Variants in INSIG2 observed in about 807,000 individuals in gnomAD.
INSIG2 encodes the protein insulin induced gene 2.
In INSIG2, 10 loss-of-function variants were observed where a neutral mutation model predicts 27.2. The ratio of observed to expected loss-of-function variants is 0.37; its 90% CI spans 0.23 to 0.62. The LOEUF (loss-of-function observed/expected upper bound fraction) is 0.62. Among genes scored for constraint, INSIG2 ranks in the 20% least tolerant of loss-of-function variants. The pLI, the probability that INSIG2 is intolerant of heterozygous loss-of-function variation, is 0.65. For missense variants in INSIG2, 178 were observed against 270.2 expected, an observed-to-expected ratio of 0.66 and a Z score of 2.39; for synonymous variants, 97 against 95.8, an observed-to-expected ratio of 1.01 and a Z score of -0.07.
chr2:118,106,772 C>T lies in INSIG2; in HGVS notation c.405C>T (p.Leu135=). The T allele has an allele frequency of 6.2e-7, 1 of 1,614,058 alleles. No individual in the cohort carries two copies. The highest frequency in any genetic ancestry group is 8.5e-7 in the Non-Finnish European group (1 of 1,179,942). ...VDFDNNIQLS[L]TLAALSIGLW... ...TCGATAACAACATACAGTTGTCTCT[C>T]ACACTGGCTGCACTATCCATTGGAC... Residue 135 remains leucine, a synonymous_variant, in exon 4 of 6, where the codon CTC becomes CTT. Transcript: ENST00000245787.
intron 2 of INSIG2, 34 bp from the exon 3 acceptor site, chr2:118,103,163 G>A: frequency 6.2e-7 from 1 of 1,601,338 alleles, no homozygotes; most frequent in Non-Finnish European, 8.5e-7. Flanking sequence ...TACAACATTG[G>A]AGGTAACTTA....
intron 1 of INSIG2, among the ~76,000 whole-genome samples, chr2:118,093,857 T>G (rs1333959696): frequency 2.2e-5 from 2 of 91,918 alleles, no homozygotes; most frequent in African/African-American, 4.2e-5. Flanking sequence ...CAGATGATGA[T>G]GATGATGAGG....
rs183949632 is a variant in INSIG2 at position 118,102,066 on chromosome 2, G to A, written c.245-1131G>A. ...ATACAGCTGGCTAATACTGGGTAGG[G>A]GGAGGGCCTCTTGTCCCTCAGGCAC... On this transcript the variant is annotated intron_variant, in intron 2 of 5. Coordinates refer to ENST00000245787, the MANE Select transcript of INSIG2 (RefSeq NM_016133.4). Among the ~76,000 whole-genome samples the A allele has an allele frequency of 7.2e-5, 11 of 152,260 alleles. No homozygotes were observed. The East Asian group carries it at 2.1e-3, about 29-fold the overall frequency.
In INSIG2 at chr2:118,110,893, T is replaced by C. The variant is rs1382968395; in HGVS notation, c.*2571T>C. On this transcript the variant is annotated 3_prime_UTR_variant, in exon 6 of 6. Transcript: ENST00000245787. ...TTTGCACTGAGCTGTTTTACCTTCT[T>C]TAAGGCCATTGGGACCTCTCAATGA... is the stretch of plus-strand genomic sequence containing the variant. 6.6e-6 allele frequency: 1 copy of C among 152,228 alleles called. No individual in the cohort carries two copies. The highest frequency in any genetic ancestry group is 2.4e-5 in the African/African-American group (1 of 41,462). 9.4% of individuals were successfully genotyped at this position (152,228 alleles called of 1,614,324 possible). A position where few individuals can be genotyped will look rare whatever the true frequency, so the allele number is the denominator to read the frequency against.
intron 1 of INSIG2, among the ~76,000 whole-genome samples, chr2:118,091,069 T>A (rs903091676): frequency 6.6e-6 from 1 of 152,230 alleles, no homozygotes; most frequent in Non-Finnish European, 1.5e-5. Context: ...TTTTGGAGCA[T>A]CAAGTTTATC....
In INSIG2 at chr2:118,093,950, G is replaced by T. The variant is rs868808901; in HGVS notation, c.-138-2469G>T. Among the ~76,000 whole-genome samples the T allele has an allele frequency of 7.9e-4, 38 of 48,216 alleles. 2 individuals are homozygous for T. The highest frequency in any genetic ancestry group is 1.8e-3 in the African/African-American group (27 of 14,660). 31.6% of individuals were successfully genotyped at this position (48,216 alleles called of 152,430 possible). A position where few individuals can be genotyped will look rare whatever the true frequency, so the allele number is the denominator to read the frequency against. On this transcript the variant is annotated intron_variant, in intron 1 of 5. Coordinates refer to ENST00000245787, the MANE Select transcript of INSIG2 (RefSeq NM_016133.4). ...ATGATGATGATGATGATGAGGAGGA[G>T]GAGGAGGAGGAGGAGGAGGAGGAGA...
intron 2 of INSIG2, among the ~76,000 whole-genome samples, chr2:118,098,388 G>A (rs1306667562): frequency 6.6e-6 from 1 of 152,206 alleles, no homozygotes; most frequent in Non-Finnish European, 1.5e-5. Flanking sequence ...CATTGTGCCT[G>A]TTATGGGGAG....
At chr2:118,098,739 G>T (rs1678470325) in intron 2 of INSIG2, among the ~76,000 whole-genome samples, 1 of 152,158 alleles carries the variant, frequency 6.6e-6, no homozygotes, top group Admixed American at 6.5e-5. Flanking sequence ...ATTTTAGGAA[G>T]GAAAATTTCA....
intron 1 of INSIG2, among the ~76,000 whole-genome samples, chr2:118,093,663 T>G (rs4849679): frequency 0.22 from 5,271 of 24,202 alleles, 802 homozygotes; most frequent in Middle Eastern, 0.25. Flanking sequence ...ATGATGATGA[T>G]GAGGAGGAGG....
At chr2:118,095,832 T>G (rs1678392955) in intron 1 of INSIG2, among the ~76,000 whole-genome samples, 1 of 152,130 alleles carries the variant, frequency 6.6e-6, no homozygotes, top group Non-Finnish European at 1.5e-5. Flanking sequence ...CTGTGTTTGG[T>G]GTATATGTAG....
chr2:118,098,954 C>T (rs1678477602), intron 2 of INSIG2, among the ~76,000 whole-genome samples: 1 of 152,192 alleles, frequency 6.6e-6, no homozygotes, highest in South Asian at 2.1e-4. Flanking sequence ...GCCAATTCTG[C>T]TACCAATTTT....
chr2:118,103,221 G>C lies in INSIG2; in HGVS notation c.269G>C (p.Cys90Ser). ...GCTGTGATTGGGTTATTATACCCCT[G>C]CATTGACAGACATCTAGGAGAACCA... is the stretch of plus-strand genomic sequence containing the variant. ...ASAVIGLLYP[C>S]IDRHLGEPHK... The change falls in exon 3 of 6, where the codon TGC (cysteine) becomes TCC (serine). Residue 90 changes from cysteine to serine, a missense_variant. Coordinates refer to ENST00000245787, the MANE Select transcript of INSIG2 (RefSeq NM_016133.4). The C allele has an allele frequency of 1.2e-6, 2 of 1,613,430 alleles. No individual in the cohort carries two copies. The highest frequency in any genetic ancestry group is 1.7e-6 in the Non-Finnish European group (2 of 1,179,730).
intron 1 of INSIG2, among the ~76,000 whole-genome samples, chr2:118,092,207 C>A (rs540354868): frequency 3.3e-5 from 5 of 152,252 alleles, no homozygotes; most frequent in African/African-American, 9.6e-5. Flanking sequence ...CAAAGTATGC[C>A]CATCTTCTAG....
Position 118,108,532 on chromosome 2 carries a change from T to A in INSIG2, c.*210T>A. The A allele has an allele frequency of 2.3e-6, 1 of 425,584 alleles. No individual in the cohort carries two copies. The highest frequency in any genetic ancestry group is 4.2e-6 in the Non-Finnish European group (1 of 235,754). The allele number at this position is 425,584 out of a possible 1,614,324, so 26.4% of individuals were successfully genotyped here. ...CATCTGTAAATCAGTTGTAAACCTT[T>A]ACATATTTGACTTAAATAACTGTAA... On this transcript the variant is annotated 3_prime_UTR_variant, in exon 6 of 6. Transcript: ENST00000245787.
intron 1 of INSIG2, among the ~76,000 whole-genome samples, chr2:118,091,881 C>G (rs1013586500): frequency 6.6e-6 from 1 of 152,096 alleles, no homozygotes; most frequent in African/African-American, 2.4e-5. Context: ...CAGTGGCTCT[C>G]ATTGTGGGGA....
In INSIG2 at chr2:118,107,096, A is replaced by G; in HGVS notation, c.543A>G (p.Thr181=). 2 of 1,604,858 alleles carry G rather than the reference A, an allele frequency of 1.2e-6. No homozygotes were observed. Among genetic ancestry groups the G allele is most frequent in the African/African-American group, 1.3e-5 (1 of 74,808 alleles). The change falls in exon 5 of 6, where the codon ACA becomes ACG. Residue 181 remains threonine (T), a synonymous_variant. Coordinates refer to ENST00000245787, the MANE Select transcript of INSIG2 (RefSeq NM_016133.4). ...LLVYNGVYQY[T]SPDFLYVRSW... ...GACATGTCTGTTATTCTAGATATAC[A>G]TCTCCAGATTTCCTCTATGTTCGTT... is the stretch of plus-strand genomic sequence containing the variant.
chr2:118,102,574 A>G (rs1678573100), intron 2 of INSIG2: 1 of 152,412 alleles, frequency 6.6e-6, no homozygotes, highest in African/African-American at 2.4e-5. Context: ...CTTTGACAAT[A>G]TGACCTACAG....
intron 2 of INSIG2, among the ~76,000 whole-genome samples, chr2:118,101,790 A>G (rs1471190060): frequency 1.3e-5 from 2 of 152,228 alleles, no homozygotes; most frequent in Non-Finnish European, 2.9e-5. Flanking sequence ...ACTAATAGTT[A>G]TTGGAGCTCT....
chr2:118,106,358 G>A (rs13409182), intron 3 of INSIG2, among the ~76,000 whole-genome samples: 6 of 152,150 alleles, frequency 3.9e-5, no homozygotes, highest in East Asian at 1.9e-4. Context: ...TTTTGCAAAA[G>A]TGTGTTCCTT....
Sources: allele counts gnomAD v4.1 joint callset (sites outside exome capture counted in the v4.1 genomes callset), GRCh38; gene constraint gnomAD v4.1.1; transcripts MANE v1.5; gene names NCBI Gene and HGNC (gene_info 2026-07-23, HGNC 2026-07-21).